PCDHA2: variants seen among roughly 807,000 people sequenced by gnomAD.
The protein encoded by PCDHA2 is protocadherin alpha-2.
A neutral mutation model predicts 66.0 loss-of-function variants in PCDHA2; 58 were observed. That is an observed-to-expected ratio of 0.88 (90% CI 0.71 to 1.09). The LOEUF is 1.09. Ranked by LOEUF, PCDHA2 falls within the 50% of genes least tolerant of loss-of-function variation. The pLI is 0.00. For synonymous variants in PCDHA2, 634 were observed against 554.0 expected, an observed-to-expected ratio of 1.14 and a Z score of -2.03; for missense variants, 1,267 against 1,242.3, an observed-to-expected ratio of 1.02 and a Z score of -0.30.
chr5:140,860,307 G>A (rs181918299), intron 1 of PCDHA2: 3 of 152,082 alleles, frequency 2.0e-5, no homozygotes, highest in Admixed American at 2.0e-4. Flanking sequence ...CTTGAGCCTG[G>A]GAAGTTGAGG....
chr5:140,801,090 C>G, intron 1 of PCDHA2: 1 of 1,494,088 alleles, frequency 6.7e-7, no homozygotes, highest in Non-Finnish European at 8.9e-7. Flanking sequence ...GCTTCATCCT[C>G]TCTAAAATTT....
chr5:140,851,254 A>G (rs2150271165), intron 1 of PCDHA2: 1 of 1,091,684 alleles, frequency 9.2e-7, no homozygotes, highest in East Asian at 4.0e-5. Context: ...GATGCATAGT[A>G]TTTTAGTCTA....
At chr5:140,871,376 G>A in intron 1 of PCDHA2, 2 of 1,614,196 alleles carry the variant, frequency 1.2e-6, no homozygotes, top group Non-Finnish European at 1.7e-6. Flanking sequence ...CAGAGGGTGT[G>A]CTCTGAGGAG....
intron 1 of PCDHA2, among the ~76,000 whole-genome samples, chr5:140,960,872 AAT>A (rs2095576865): frequency 6.6e-6 from 1 of 152,232 alleles, no homozygotes; most frequent in Admixed American, 6.5e-5. Flanking sequence ...AATTAGCTGA[AAT>A]ACACACTAAT....
At chr5:140,897,340 C>G (rs1326802877) in intron 1 of PCDHA2, among the ~76,000 whole-genome samples, 1 of 122,842 alleles carries the variant, frequency 8.1e-6, no homozygotes, top group African/African-American at 3.1e-5. Flanking sequence ...CCCCTCCCCC[C>G]ACCCCACAAC....
chr5:140,803,375 G>A (rs1562193619), intron 1 of PCDHA2: 1 of 1,614,216 alleles, frequency 6.2e-7, no homozygotes. Flanking sequence ...GCTCCGCGCC[G>A]CCAACCGAAG....
intron 1 of PCDHA2, among the ~76,000 whole-genome samples, chr5:140,896,511 C>T (rs1344026446): frequency 6.6e-6 from 1 of 151,744 alleles, no homozygotes; most frequent in Non-Finnish European, 1.5e-5. Context: ...TGTGCAGGCA[C>T]ACACCACAAA....
At chr5:140,915,137 C>T (rs2076999053) in intron 1 of PCDHA2, among the ~76,000 whole-genome samples, 3 of 151,800 alleles carry the variant, frequency 2.0e-5, no homozygotes, top group South Asian at 2.1e-4. Context: ...TTAGTAGAGA[C>T]GGGGTTTCAC....
chr5:140,862,327 A>G (rs1317111352), intron 1 of PCDHA2: 1 of 326,932 alleles, frequency 3.1e-6, no homozygotes, highest in Non-Finnish European at 6.0e-6. Context: ...TAATCAGTGT[A>G]ATTGACCCTA....
intron 1 of PCDHA2, among the ~76,000 whole-genome samples, chr5:140,917,890 T>C (rs782473137): frequency 1.3e-5 from 2 of 152,098 alleles, no homozygotes; most frequent in Non-Finnish European, 2.9e-5. Context: ...TTTTTTTCCA[T>C]ATGAATGTTA....
At chr5:140,821,890 A>G in intron 1 of PCDHA2, 7 of 1,614,240 alleles carry the variant, frequency 4.3e-6, no homozygotes, top group Non-Finnish European at 5.9e-6. Context: ...GGAGGAAGCC[A>G]AACACGGAAC....
chr5:140,948,709 CT>C (rs144736017), intron 1 of PCDHA2, among the ~76,000 whole-genome samples: 2,043 of 151,408 alleles, frequency 0.013, 38 homozygotes, highest in African/African-American at 0.047. Context: ...GTGTTCTATC[CT>C]CTTTTTTATC....
At chr5:140,927,905 C>T in intron 1 of PCDHA2, 3 of 1,614,210 alleles carry the variant, frequency 1.9e-6, no homozygotes, top group Non-Finnish European at 2.5e-6. Context: ...GATCATGCCC[C>T]CGAACTGGAC....
At chr5:140,808,815 C>T (rs782363831) in intron 1 of PCDHA2, 4 of 1,612,732 alleles carry the variant, frequency 2.5e-6, no homozygotes, top group Non-Finnish European at 3.4e-6. Context: ...GCCGGCGTGC[C>T]ACCTCTGGGC....
intron 1 of PCDHA2, chr5:140,835,952 G>A (rs1366259888): frequency 1.2e-6 from 2 of 1,612,910 alleles, no homozygotes; most frequent in Non-Finnish European, 1.7e-6. Flanking sequence ...TGCAGCCGTT[G>A]GACCACGAGG....
intron 1 of PCDHA2, among the ~76,000 whole-genome samples, chr5:140,933,883 T>C (rs376864592): frequency 1.3e-5 from 2 of 152,084 alleles, no homozygotes; most frequent in East Asian, 1.9e-4. Context: ...GTTTTATCTG[T>C]ACTTTTGAAT....
intron 1 of PCDHA2, among the ~76,000 whole-genome samples, chr5:140,925,197 A>G (rs1259349657): frequency 1.3e-5 from 2 of 152,310 alleles, no homozygotes; most frequent in East Asian, 3.9e-4. Context: ...CCCAGCTTCA[A>G]TAATTATCGA....
intron 1 of PCDHA2, among the ~76,000 whole-genome samples, chr5:140,891,825 G>T (rs2153435686): frequency 6.6e-6 from 1 of 152,302 alleles, no homozygotes; most frequent in East Asian, 1.9e-4. Flanking sequence ...TAACGGCACT[G>T]TAAAAGGACT....
At chr5:141,005,978 G>C (rs1226619772) in intron 3 of PCDHA2, among the ~76,000 whole-genome samples, 2 of 151,936 alleles carry the variant, frequency 1.3e-5, no homozygotes, top group African/African-American at 4.8e-5. Context: ...CAATTCCAAA[G>C]AGTGTTTGAG....
Sources: allele counts gnomAD v4.1 joint callset (sites outside exome capture counted in the v4.1 genomes callset), GRCh38; gene constraint gnomAD v4.1.1; transcripts MANE v1.5; gene names NCBI Gene and HGNC (gene_info 2026-07-23, HGNC 2026-07-21).